The following ABCB1 variants were observed in gnomAD, a reference collection of about 807,000 sequenced individuals.
The protein encoded by ABCB1 is ATP binding cassette subfamily B member 1.
In ABCB1, 69 loss-of-function variants were observed where a neutral mutation model predicts 142.0. The ratio of observed to expected loss-of-function variants is 0.49; its 90% CI spans 0.40 to 0.59. ABCB1 has a LOEUF of 0.59. Among genes scored for constraint, ABCB1 ranks in the 20% least tolerant of loss-of-function variants. The pLI is 0.00. For synonymous variants in ABCB1, 532 were observed against 539.2 expected, an observed-to-expected ratio of 0.99 and a Z score of 0.18; for missense variants, 1,326 against 1,554.7, an observed-to-expected ratio of 0.85 and a Z score of 2.47.
chr7:87,627,438 A>G (rs917998417), intron 1 of ABCB1: 1 of 152,228 alleles, frequency 6.6e-6, no homozygotes, highest in Non-Finnish European at 1.5e-5. Context: ...AATTCGAGAA[A>G]CATTTATTGA....
intron 2 of ABCB1, among the ~76,000 whole-genome samples, chr7:87,598,208 T>C (rs1819288793): frequency 1.3e-5 from 2 of 152,240 alleles, no homozygotes; most frequent in African/African-American, 4.8e-5. Context: ...TTTACAAAAT[T>C]ACTTTATCTT....
At chr7:87,546,267 T>A (rs1241710214) in intron 14 of ABCB1, among the ~76,000 whole-genome samples, 1 of 152,188 alleles carries the variant, frequency 6.6e-6, no homozygotes, top group Non-Finnish European at 1.5e-5. Context: ...CCCCCAAATA[T>A]TTTATTTAAC....
intron 21 of ABCB1, 96 bp downstream of exon 21, chr7:87,531,198 T>C (rs1816039854): frequency 4.6e-6 from 5 of 1,087,750 alleles, no homozygotes; most frequent in Non-Finnish European, 5.6e-6. Flanking sequence ...TATAAACACA[T>C]TCTTAGAGCA....
intron 1 of ABCB1, among the ~76,000 whole-genome samples, chr7:87,641,404 C>T (rs1822438943): frequency 6.6e-6 from 1 of 152,166 alleles, no homozygotes; most frequent in East Asian, 1.9e-4. Flanking sequence ...AGGGACTGTG[C>T]TGAATCCAGA....
intron 1 of ABCB1, among the ~76,000 whole-genome samples, chr7:87,702,142 C>CAAAAA (rs146127516): frequency 0.03 from 499 of 16,750 alleles, 119 homozygotes; most frequent in Middle Eastern, 0.077. Flanking sequence ...GACTCTGTCT[C>CAAAAA]AAAAAAAAAA....
At chr7:87,703,915 T>TTTTTTTTTTTTTTTTTTTG (rs1829353061) in intron 1 of ABCB1, among the ~76,000 whole-genome samples, 3 of 18,530 alleles carry the variant, frequency 1.6e-4, no homozygotes, top group Non-Finnish European at 2.2e-4. Context: ...TTTTTTTTGG[T>TTTTTTTTTTTTTTTTTTTG]TTTTTTTTTT....
intron 22 of ABCB1, 112 bp downstream of exon 22, chr7:87,520,664 G>A (rs969681137): frequency 1.3e-5 from 12 of 909,564 alleles, no homozygotes; most frequent in Admixed American, 5.4e-5. Flanking sequence ...GTTTACCTTC[G>A]AGCACTTTCT....
chr7:87,507,724 T>C (rs972078410), intron 26 of ABCB1, among the ~76,000 whole-genome samples: 3 of 152,130 alleles, frequency 2.0e-5, no homozygotes, highest in Non-Finnish European at 2.9e-5. Flanking sequence ...GCTCCTGAGC[T>C]TTGTTTTAGG....
chr7:87,651,071 G>A (rs1227487249), intron 1 of ABCB1: 7 of 591,046 alleles, frequency 1.2e-5, no homozygotes, highest in Admixed American at 6.3e-5. Flanking sequence ...CTTTTGGCCT[G>A]TGTGACTACG....
rs183866480 is a variant in ABCB1, at chr7:87,626,174, T to G, written c.-330-25096A>C. On this transcript the variant is annotated intron_variant, in intron 1 of 28. Transcript: ENST00000265724. ...TTGTCATATATATGTGTCATATATA[T>G]TGTCATATATATGTGTCATATATAT... Among the ~76,000 whole-genome samples, 21 of 82,030 alleles carry G rather than the reference T, an allele frequency of 2.6e-4. 1 individual carries two copies. The highest frequency in any genetic ancestry group is 2.0e-3 in the East Asian group (5 of 2,460). The allele number at this position is 82,030 out of a possible 152,430, so 53.8% of individuals were successfully genotyped here.
At chr7:87,659,273 T>C in intron 1 of ABCB1, 1 of 410,256 alleles carries the variant, frequency 2.4e-6, no homozygotes, top group Admixed American at 2.8e-5. Flanking sequence ...TTCTGTTTGT[T>C]CCCCCTGTTC....
At chr7:87,701,485 T>C (rs1198183832) in intron 1 of ABCB1, among the ~76,000 whole-genome samples, 1 of 152,220 alleles carries the variant, frequency 6.6e-6, no homozygotes, top group Non-Finnish European at 1.5e-5. Flanking sequence ...GTGTCAACAT[T>C]TGATGGAACT....
intron 3 of ABCB1, among the ~76,000 whole-genome samples, chr7:87,585,945 G>A (rs1376345086): frequency 2.0e-5 from 3 of 152,140 alleles, no homozygotes; most frequent in Admixed American, 1.3e-4. Flanking sequence ...AGAAGGATGG[G>A]ACATTCTGGG....
intron 1 of ABCB1, among the ~76,000 whole-genome samples, chr7:87,628,237 TGAC>T (rs1418103623): frequency 6.6e-6 from 1 of 152,172 alleles, no homozygotes; most frequent in East Asian, 1.9e-4. Flanking sequence ...CCAGCGTCCT[TGAC>T]AGCAGCCCAC....
chr7:87,659,217 C>A, intron 1 of ABCB1: 1 of 428,244 alleles, frequency 2.3e-6, no homozygotes, highest in Non-Finnish European at 4.7e-6. Flanking sequence ...ATACAGTAAA[C>A]AAGAATATGG....
chr7:87,691,858 C>A (rs186685213), intron 1 of ABCB1, among the ~76,000 whole-genome samples: 6 of 152,180 alleles, frequency 3.9e-5, no homozygotes, highest in Admixed American at 2.0e-4. Flanking sequence ...CAGAGAAAAC[C>A]GATTGCTGGG....
chr7:87,623,796 C>T (rs919765738), intron 1 of ABCB1, among the ~76,000 whole-genome samples: 8 of 151,814 alleles, frequency 5.3e-5, no homozygotes, highest in African/African-American at 1.9e-4. Flanking sequence ...CCAGTAGATT[C>T]ATTGCATCAG....
intron 2 of ABCB1, among the ~76,000 whole-genome samples, chr7:87,596,658 T>A (rs1819223426): frequency 6.6e-6 from 1 of 152,126 alleles, no homozygotes; most frequent in African/African-American, 2.4e-5. Flanking sequence ...TGTTATTTTT[T>A]ACACGGTTTT....
intron 1 of ABCB1, chr7:87,700,372 A>G (rs1198436801): frequency 3.5e-6 from 5 of 1,441,672 alleles, no homozygotes; most frequent in Non-Finnish European, 4.7e-6. Context: ...TTTCAAGTCT[A>G]GTTTTATTTT....
Sources: gnomAD v4.1 joint callset for allele counts (sites outside exome capture counted in the v4.1 genomes callset) on GRCh38, gnomAD v4.1.1 for gene constraint, MANE v1.5 for transcripts, NCBI Gene and HGNC (gene_info 2026-07-23, HGNC 2026-07-21) for gene names.